The following FARS2 variants were observed in gnomAD, a reference collection of about 807,000 sequenced individuals.
FARS2 encodes phenylalanine--tRNA ligase, mitochondrial.
In FARS2, 40 loss-of-function variants were observed where a neutral mutation model predicts 46.4. The ratio of observed to expected loss-of-function variants is 0.86; its 90% CI spans 0.67 to 1.12. The LOEUF (loss-of-function observed/expected upper bound fraction) is 1.12, where lower values mean the gene tolerates loss of function less well. Ranked by LOEUF, FARS2 falls within the 50% of genes most tolerant of loss-of-function variation. The pLI is 0.00. For synonymous variants in FARS2, 234 were observed against 214.9 expected, an observed-to-expected ratio of 1.09 and a Z score of -0.78; for missense variants, 513 against 567.9, an observed-to-expected ratio of 0.90 and a Z score of 0.98.
intron 6 of FARS2, among the ~76,000 whole-genome samples, chr6:5,653,123 A>G (rs1326960441): frequency 6.6e-6 from 1 of 152,214 alleles, no homozygotes; most frequent in Non-Finnish European, 1.5e-5. Flanking sequence ...TCATAAATAT[A>G]TGCATATATA....
At chr6:5,624,822 G>GCCCCGC (rs1554118015) in intron 6 of FARS2, among the ~76,000 whole-genome samples, 3 of 152,034 alleles carry the variant, frequency 2.0e-5, no homozygotes, top group Admixed American at 6.5e-5. Flanking sequence ...GGGTGGGGCG[G>GCCCCGC]CCCCGCCCCC....
At chr6:5,651,463 A>G (rs909235458) in intron 6 of FARS2, among the ~76,000 whole-genome samples, 3 of 152,222 alleles carry the variant, frequency 2.0e-5, no homozygotes, top group African/African-American at 7.2e-5. Context: ...AGATGATAAA[A>G]GCAAGGTGTT....
At chr6:5,639,432 A>G (rs1484213221) in intron 6 of FARS2, among the ~76,000 whole-genome samples, 3 of 152,080 alleles carry the variant, frequency 2.0e-5, no homozygotes, top group Non-Finnish European at 2.9e-5. Context: ...ACTTAAAAGA[A>G]CTCCTAAAGA....
chr6:5,558,066 G>A (rs1771768256), intron 5 of FARS2, among the ~76,000 whole-genome samples: 1 of 152,062 alleles, frequency 6.6e-6, no homozygotes, highest in Non-Finnish European at 1.5e-5. Flanking sequence ...GAAAAGTCAA[G>A]GTTCATATTA....
At chr6:5,346,999 C>T (rs1426508664) in intron 1 of FARS2, among the ~76,000 whole-genome samples, 2 of 151,776 alleles carry the variant, frequency 1.3e-5, no homozygotes, top group Admixed American at 6.6e-5. Flanking sequence ...CTGAAACCTC[C>T]GCCTTCCAGG....
At chr6:5,538,474 C>T (rs1444383344) in intron 4 of FARS2, among the ~76,000 whole-genome samples, 1 of 152,172 alleles carries the variant, frequency 6.6e-6, no homozygotes, top group East Asian at 1.9e-4. Flanking sequence ...CCAAGGTTGC[C>T]TCTAAGCTCC....
At chr6:5,601,006 C>G (rs1774478256) in intron 5 of FARS2, among the ~76,000 whole-genome samples, 2 of 152,122 alleles carry the variant, frequency 1.3e-5, no homozygotes, top group Admixed American at 6.5e-5. Flanking sequence ...GAGGAAGAGA[C>G]AGCAGAACTT....
chr6:5,686,751 G>C (rs1757260939), intron 6 of FARS2, among the ~76,000 whole-genome samples: 1 of 152,190 alleles, frequency 6.6e-6, no homozygotes, highest in Admixed American at 6.5e-5. Context: ...TGGTATTTCA[G>C]TTCTAGATCC....
intron 4 of FARS2, among the ~76,000 whole-genome samples, chr6:5,534,686 C>G (rs1010124931): frequency 9.9e-5 from 15 of 152,070 alleles, no homozygotes; most frequent in African/African-American, 3.4e-4. Context: ...GTTGTTTCCA[C>G]CTTGGGACTA....
intron 2 of FARS2, among the ~76,000 whole-genome samples, chr6:5,403,738 T>C (rs1388408244): frequency 5.3e-5 from 8 of 152,148 alleles, no homozygotes; most frequent in African/African-American, 1.7e-4. Flanking sequence ...TATGGGACTT[T>C]GGGTGGGAAG....
intron 6 of FARS2, among the ~76,000 whole-genome samples, chr6:5,663,937 G>A (rs1777974774): frequency 2.0e-5 from 3 of 152,156 alleles, no homozygotes; most frequent in Non-Finnish European, 2.9e-5. Flanking sequence ...ATGCACGCTG[G>A]CCAGGGCCAT....
At chr6:5,397,404 G>T (rs1228909753) in intron 2 of FARS2, among the ~76,000 whole-genome samples, 1 of 152,120 alleles carries the variant, frequency 6.6e-6, no homozygotes, top group East Asian at 1.9e-4. Context: ...CCCATAGAAT[G>T]TACAACTCCA....
intron 4 of FARS2, among the ~76,000 whole-genome samples, chr6:5,455,116 G>C (rs954187491): frequency 6.6e-6 from 1 of 152,178 alleles, no homozygotes; most frequent in Admixed American, 6.5e-5. Context: ...ACGTGTACTT[G>C]TTTTTGATGT....
At chr6:5,500,472 G>A (rs1428669936) in intron 4 of FARS2, among the ~76,000 whole-genome samples, 1 of 152,200 alleles carries the variant, frequency 6.6e-6, no homozygotes, top group Non-Finnish European at 1.5e-5. Context: ...GGGAAATCAA[G>A]GCCAGCCACA....
rs1199643447 is a variant in FARS2 at position 5,452,778 on chromosome 6, C to T, written c.904+21606C>T. Reference sequence around the variant, plus strand: ...CATACCTGGAAGAGAAACATTGAGCCTGTGAATTACAGCTATAGCAGTAGA... The same window carrying T: ...CATACCTGGAAGAGAAACATTGAGCTTGTGAATTACAGCTATAGCAGTAGA... On this transcript the variant is annotated intron_variant, in intron 4 of 6. Transcript: ENST00000274680. 2.6e-5 allele frequency: 4 copies of T among 152,250 alleles called. No individual in the cohort carries two copies. The East Asian group carries it at 7.7e-4, about 29-fold the overall frequency. 9.4% of individuals were successfully genotyped at this position (152,250 alleles called of 1,614,324 possible). A position where few individuals can be genotyped will look rare whatever the true frequency, so the allele number is the denominator to read the frequency against.
chr6:5,257,959 C>A (rs750486747), upstream of FARS2, among the ~76,000 whole-genome samples: 16 of 152,136 alleles, frequency 1.1e-4, no homozygotes, highest in African/African-American at 2.9e-4. Flanking sequence ...GGAGTGGAAG[C>A]TGTGGGATGA....
chr6:5,270,035 A>T (rs1765835599), intron 1 of FARS2, among the ~76,000 whole-genome samples: 1 of 152,246 alleles, frequency 6.6e-6, no homozygotes, highest in African/African-American at 2.4e-5. Context: ...TGTGAAATGG[A>T]TTACAGTAAT....
chr6:5,284,337 G>T (rs1374263191), intron 1 of FARS2, among the ~76,000 whole-genome samples: 2 of 152,154 alleles, frequency 1.3e-5, no homozygotes, highest in African/African-American at 4.8e-5. Flanking sequence ...TTTATTAAAA[G>T]TTTATTTGTC....
chr6:5,518,123 G>C (rs938229055), intron 4 of FARS2, among the ~76,000 whole-genome samples: 1 of 152,286 alleles, frequency 6.6e-6, no homozygotes, highest in East Asian at 1.9e-4. Context: ...GGTGCACCAG[G>C]CTCCACAGCA....
Sources: gnomAD v4.1 joint callset for allele counts (sites outside exome capture counted in the v4.1 genomes callset) on GRCh38, gnomAD v4.1.1 for gene constraint, MANE v1.5 for transcripts, NCBI Gene and HGNC (gene_info 2026-07-23, HGNC 2026-07-21) for gene names.